NDUFV2: variants seen among roughly 807,000 people sequenced by gnomAD.
NDUFV2 encodes the protein NADH dehydrogenase [ubiquinone] flavoprotein 2, mitochondrial.
A neutral mutation model predicts 31.6 loss-of-function variants in NDUFV2; 18 were observed. The ratio of observed to expected loss-of-function variants is 0.57; its 90% CI spans 0.39 to 0.84. The LOEUF (loss-of-function observed/expected upper bound fraction) is 0.84, where lower values mean the gene tolerates loss of function less well. NDUFV2 is among the 40% of genes least tolerant of loss of function. NDUFV2 has a pLI of 0.00. For synonymous variants in NDUFV2, 83 were observed against 99.8 expected (o/e 0.83, Z 1.01); for missense variants, 314 against 303.6 (o/e 1.03, Z -0.26).
At chr18:9,103,229 G>A in intron 1 of NDUFV2, 1 of 398,464 alleles carries the variant, frequency 2.5e-6, no homozygotes. Context: ...CTTCGTGAAG[G>A]CTTAGGGAGA....
chr18:9,116,716 G>A (rs2077900031), intron 1 of NDUFV2, among the ~76,000 whole-genome samples: 1 of 152,134 alleles, frequency 6.6e-6, no homozygotes, highest in Non-Finnish European at 1.5e-5. Context: ...TTTGGACCTA[G>A]GGTAAAGTTA....
At chr18:9,133,950 A>G (rs958422601) in intron 7 of NDUFV2, among the ~76,000 whole-genome samples, 2 of 152,212 alleles carry the variant, frequency 1.3e-5, no homozygotes, top group Non-Finnish European at 2.9e-5. Context: ...AATAGGAACT[A>G]TTATTAGGGC....
At chr18:9,117,252 G>A (rs1450840957) in intron 1 of NDUFV2, 1 of 153,212 alleles carries the variant, frequency 6.5e-6, no homozygotes, top group African/African-American at 2.4e-5. Flanking sequence ...GGCCAGGATG[G>A]TCTCGATCTC....
chr18:9,117,092 G>A (rs555926824), intron 1 of NDUFV2, among the ~76,000 whole-genome samples: 12 of 151,212 alleles, frequency 7.9e-5, no homozygotes, highest in South Asian at 2.1e-4. Flanking sequence ...GCTGGAGTGC[G>A]GTGGCGCGAT....
intron 1 of NDUFV2, among the ~76,000 whole-genome samples, chr18:9,108,091 G>A (rs1263867961): frequency 6.6e-6 from 1 of 152,122 alleles, no homozygotes; most frequent in Admixed American, 6.5e-5. Flanking sequence ...TCTAAAGAAT[G>A]TTTTCTTTAA....
chr18:9,120,791 T>A (rs2077929566), intron 4 of NDUFV2, among the ~76,000 whole-genome samples: 2 of 152,226 alleles, frequency 1.3e-5, no homozygotes, highest in African/African-American at 4.8e-5. Flanking sequence ...AACATTTTTT[T>A]AAATTAAAAT....
At position 9,124,939 on chromosome 18, in the gene NDUFV2, G is replaced by A. The variant is rs2077975804; in HGVS notation, c.535G>A (p.Ala179Thr). ...TCTTATAGAAGTGGAATGTTTAGGG[G>A]CCTGTGTGAACGCACCAATGGTTCA... ...FTLIEVECLG[A>T]CVNAPMVQIN... is the part of the protein sequence containing the mutation. The change falls in exon 6 of 8, where the codon GCC becomes ACC. Residue 179 changes from alanine to threonine, a missense_variant. By Grantham distance (58) the Ala-to-Thr change is moderately conservative. Coordinates refer to ENST00000318388, the MANE Select transcript of NDUFV2 (RefSeq NM_021074.5). 3 of 1,613,366 alleles carry A rather than the reference G, an allele frequency of 1.9e-6. No individual in the cohort carries two copies. Among genetic ancestry groups the A allele is most frequent in the East Asian group, 2.2e-5 (1 of 44,842 alleles).
chr18:9,102,716 C>G lies in NDUFV2; in HGVS notation c.-28C>G, dbSNP rs774043223. ...CGCTCGGGATTCTCGCCTGGCGCGG[C>G]TGGGGAAGGTGAACAGTGTGGCCCG... On this transcript the variant is annotated 5_prime_UTR_variant, in exon 1 of 8. Coordinates refer to ENST00000318388, the MANE Select transcript of NDUFV2 (RefSeq NM_021074.5). 4 of 1,574,506 alleles carry G rather than the reference C, an allele frequency of 2.5e-6. No individual in the cohort carries two copies. The highest frequency in any genetic ancestry group is 1.2e-5 in the South Asian group (1 of 85,900).
At chr18:9,121,578 G>A (rs908895533) in intron 4 of NDUFV2, 1 of 152,168 alleles carries the variant, frequency 6.6e-6, no homozygotes, top group South Asian at 2.1e-4. Context: ...TGTCTGAAAT[G>A]CCCGCTCTTC....
rs749586530 is a variant in NDUFV2, at chr18:9,126,879, G to C, written c.628G>C (p.Ala210Pro). Residue 210 changes from alanine (A) to proline (P), a missense_variant, in exon 7 of 8, where the codon GCT becomes CCT. Coordinates refer to ENST00000318388, the MANE Select transcript of NDUFV2 (RefSeq NM_021074.5). ...DIEEIIDELK[A>P]GKIPKPGPRS... ...TGAAGAAATTATTGATGAGCTCAAG[G>C]CTGGCAAAATCCCAAAACCAGGGCC... 1.2e-6 allele frequency: 2 copies of C among 1,613,914 alleles called. No homozygotes were observed. The highest frequency in any genetic ancestry group is 1.7e-6 in the Non-Finnish European group (2 of 1,179,908).
chr18:9,104,529 T>A (rs2077831677), intron 1 of NDUFV2, among the ~76,000 whole-genome samples: 1 of 152,178 alleles, frequency 6.6e-6, no homozygotes, highest in South Asian at 2.1e-4. Flanking sequence ...GCTTGTAGAT[T>A]TTGTTTCTTT....
intron 7 of NDUFV2, among the ~76,000 whole-genome samples, chr18:9,127,819 G>A (rs2078005047): frequency 6.6e-6 from 1 of 152,056 alleles, no homozygotes; most frequent in African/African-American, 2.4e-5. Context: ...GAGCATTGTG[G>A]GACTGCCTCC....
intron 6 of NDUFV2, chr18:9,126,602 A>C (rs890571988): frequency 6.1e-6 from 3 of 491,036 alleles, no homozygotes; most frequent in Non-Finnish European, 1.1e-5. Flanking sequence ...ACAGACAATA[A>C]AATCACTGGC....
At position 9,134,224 on chromosome 18, in the gene NDUFV2, C is replaced by G. The variant is rs546302509; in HGVS notation, c.695C>G (p.Thr232Ser). Residue 232 changes from threonine (T) to serine (S), a missense_variant, in exon 8 of 8, where the codon ACC (threonine) becomes AGC (serine). Coordinates refer to ENST00000318388, the MANE Select transcript of NDUFV2 (RefSeq NM_021074.5). The stretch of plus-strand genomic sequence containing the variant: ...TCTTGTGAGCCAGCTGGAGGTCTTA[C>G]CTCTTTGACTGAACCACCCAAGGGA... Reference protein sequence around the residue: ...RFSCEPAGGLTSLTEPPKGPG... With the variant: ...RFSCEPAGGLSSLTEPPKGPG... 1.2e-6 allele frequency: 2 copies of G among 1,613,340 alleles called. No homozygotes were observed. The highest frequency in any genetic ancestry group is 2.2e-5 in the South Asian group (2 of 91,062).
chr18:9,119,601 C>T lies in NDUFV2; in HGVS notation c.300+11C>T. The stretch of plus-strand genomic sequence containing the variant: ...TCTGCTATGAACAAGGTACTGGATT[C>T]ATTTTTGCCTTAGTTCTAAAAGAGA... On this transcript the variant is annotated intron_variant, in intron 4 of 7. Transcript: ENST00000318388. The T allele has an allele frequency of 6.3e-7, 1 of 1,595,134 alleles. No homozygotes were observed. Among genetic ancestry groups the T allele is most frequent in the Non-Finnish European group, 8.6e-7 (1 of 1,162,842 alleles).
intron 1 of NDUFV2, chr18:9,117,548 A>G: frequency 5.4e-6 from 2 of 368,508 alleles, no homozygotes; most frequent in Admixed American, 8.1e-5. Context: ...AATTCTCCAA[A>G]TGCATGCCAG....
At chr18:9,126,624 A>G (rs1218809549) in intron 6 of NDUFV2, 1 of 528,438 alleles carries the variant, frequency 1.9e-6, no homozygotes, top group Admixed American at 3.2e-5. Flanking sequence ...TTAGGGATTT[A>G]CAGATTTCAG....
At position 9,119,483 on chromosome 18, in the gene NDUFV2, G is replaced by A. The variant is rs1344003071; in HGVS notation, c.193G>A (p.Ala65Thr). The A allele has an allele frequency of 1.2e-6, 2 of 1,613,164 alleles. No homozygotes were observed. Among genetic ancestry groups the A allele is most frequent in the Admixed American group, 1.7e-5 (1 of 59,968 alleles). The part of the protein sequence containing the change: ...FTPENYKRIE[A>T]IVKNYPEGHK... Reference sequence around the variant, plus strand: ...TCTTTCTTTTATACAGAGGATAGAGGCAATTGTAAAAAACTATCCAGAAGG... The same window carrying A: ...TCTTTCTTTTATACAGAGGATAGAGACAATTGTAAAAAACTATCCAGAAGG... Residue 65 changes from alanine (A) to threonine (T), a missense_variant, in exon 4 of 8, where the codon GCA becomes ACA. By Grantham distance (58) the Ala-to-Thr change is moderately conservative. Transcript: ENST00000318388.
chr18:9,104,966 AC>A (rs1276198891), intron 1 of NDUFV2: 1 of 1,555,648 alleles, frequency 6.4e-7, no homozygotes, highest in Non-Finnish European at 8.8e-7. Flanking sequence ...ATTTGTTTCT[AC>A]AAAAATGGAA....
Sources: gnomAD v4.1 joint callset for allele counts (sites outside exome capture counted in the v4.1 genomes callset) on GRCh38, gnomAD v4.1.1 for gene constraint, MANE v1.5 for transcripts, NCBI Gene and HGNC (gene_info 2026-07-23, HGNC 2026-07-21) for gene names.